The following HECTD4 variants were observed in gnomAD, a reference collection of about 807,000 sequenced individuals.
HECTD4 encodes the protein HECT domain E3 ubiquitin protein ligase 4.
A neutral mutation model predicts 471.5 loss-of-function variants in HECTD4; 114 were observed. The ratio of observed to expected loss-of-function variants is 0.24; its 90% CI spans 0.21 to 0.28. The LOEUF (loss-of-function observed/expected upper bound fraction) is 0.28. Ranked by LOEUF, HECTD4 falls within the 10% of genes least tolerant of loss-of-function variation. The pLI is 1.00. For synonymous variants in HECTD4, 2,012 were observed against 2,256.0 expected (o/e 0.89, Z 3.07); for missense variants, 3,866 against 5,651.5 (o/e 0.68, Z 10.13).
Position 112,264,225 on chromosome 12 carries a change from T to A in HECTD4, c.2620-13A>T. ...AGGAGGATGCAGCCTTTAATACAAA[T>A]AAGGGCATTTAAATGATCTAAATCC... On this transcript the variant is annotated splice_polypyrimidine_tract_variant and intron_variant, in intron 16 of 75. Transcript: ENST00000682272. The A allele has an allele frequency of 6.4e-7, 1 of 1,560,844 alleles. No individual in the cohort carries two copies. The highest frequency in any genetic ancestry group is 1.2e-5 in the South Asian group (1 of 81,028).
At position 112,163,674 on chromosome 12, in the gene HECTD4, A is replaced by G; in HGVS notation, c.12765T>C (p.Asn4255=). ...CCCGCACGGCCGTCACGCACTCCACATTCTGCAGCTCCCGCAGCCGCAGGC... is the reference window on the plus strand; with the variant it reads ...CCCGCACGGCCGTCACGCACTCCACGTTCTGCAGCTCCCGCAGCCGCAGGC... The part of the protein sequence containing the change: ...IRSLRLRELQ[N]VECVTAVRAG... The change falls in exon 74 of 76, where the codon AAT becomes AAC. Residue 4255 remains asparagine, a synonymous_variant. Coordinates refer to ENST00000682272, the MANE Select transcript of HECTD4 (RefSeq NM_001388303.1). This position sits in a 1 kb window ranked among gnomAD's most constrained non-coding sequence, Gnocchi z 8.2. 2.6e-6 allele frequency: 4 copies of G among 1,528,260 alleles called. No homozygotes were observed. The highest frequency in any genetic ancestry group is 1.2e-5 in the South Asian group (1 of 81,176). The allele number at this position is 1,528,260 out of a possible 1,614,324, so 94.7% of individuals were successfully genotyped here.
intron 1 of HECTD4, among the ~76,000 whole-genome samples, chr12:112,333,744 C>T (rs1409857094): frequency 6.6e-6 from 1 of 152,072 alleles, no homozygotes; most frequent in Non-Finnish European, 1.5e-5. Flanking sequence ...ATGTTTAAGT[C>T]CACAAGTTCA....
chr12:112,259,880 T>C (rs1042435807), intron 18 of HECTD4, among the ~76,000 whole-genome samples: 4 of 152,100 alleles, frequency 2.6e-5, no homozygotes, highest in South Asian at 2.1e-4. Context: ...GTGACATCCA[T>C]TACTGGTCTA....
At chr12:112,340,980 A>G (rs1189688041) in intron 1 of HECTD4, among the ~76,000 whole-genome samples, 1 of 152,196 alleles carries the variant, frequency 6.6e-6, no homozygotes, top group Admixed American at 6.5e-5. Context: ...AAAACACAAT[A>G]CCTGGCACAA....
At chr12:112,265,148 G>T in intron 16 of HECTD4, 27 bp downstream of exon 16, 1 of 1,568,738 alleles carries the variant, frequency 6.4e-7, no homozygotes. Context: ...ATATAATTTT[G>T]CTTTCATTAA....
Position 112,377,852 on chromosome 12 carries a change from A to G in HECTD4, c.177+4100T>C, listed in dbSNP as rs1177413994. Among the ~76,000 whole-genome samples, 3 of 152,212 alleles carry G rather than the reference A, an allele frequency of 2.0e-5. No homozygotes were observed. The East Asian group carries it at 5.8e-4, about 29-fold the overall frequency. On this transcript the variant is annotated intron_variant, in intron 1 of 75. Coordinates refer to ENST00000682272, the MANE Select transcript of HECTD4 (RefSeq NM_001388303.1). ...ATCACTGCACTCCAGCCTGGGTAACAAGAATAAAACTCGGTCTCAAAAAAG... is the reference window on the plus strand; with the variant it reads ...ATCACTGCACTCCAGCCTGGGTAACGAGAATAAAACTCGGTCTCAAAAAAG...
intron 1 of HECTD4, among the ~76,000 whole-genome samples, chr12:112,363,580 T>C (rs2036498086): frequency 6.6e-6 from 1 of 152,168 alleles, no homozygotes; most frequent in African/African-American, 2.4e-5. Flanking sequence ...AGAACGATGA[T>C]CAAAGCAACA....
intron 13 of HECTD4, among the ~76,000 whole-genome samples, chr12:112,267,794 A>T (rs894960870): frequency 6.6e-6 from 1 of 152,076 alleles, no homozygotes; most frequent in African/African-American, 2.4e-5. Context: ...TCATTAATTT[A>T]TTTGTGTGTG....
chr12:112,181,337 A>T (rs553611267), intron 62 of HECTD4, among the ~76,000 whole-genome samples: 82 of 152,290 alleles, frequency 5.4e-4, no homozygotes, highest in Non-Finnish European at 1.1e-3. Flanking sequence ...TTTTGACTTT[A>T]AAAAAACTAT....
intron 4 of HECTD4, among the ~76,000 whole-genome samples, chr12:112,312,340 C>G (rs1466774819): frequency 2.0e-5 from 3 of 152,110 alleles, no homozygotes; most frequent in Admixed American, 6.6e-5. Flanking sequence ...TCTTGGCAAG[C>G]CTGCAATTCC....
At chr12:112,377,419 A>T (rs1051891547) in intron 1 of HECTD4, among the ~76,000 whole-genome samples, 3 of 152,174 alleles carry the variant, frequency 2.0e-5, no homozygotes, top group Non-Finnish European at 4.4e-5. Flanking sequence ...CCACTAAATT[A>T]TAAGCTTTTT....
chr12:112,192,595 A>G lies in HECTD4; in HGVS notation c.9257T>C (p.Val3086Ala), dbSNP rs1345130328. 3.7e-6 allele frequency: 6 copies of G among 1,604,630 alleles called. No individual in the cohort carries two copies. In the Admixed American group the frequency reaches 6.8e-5, roughly 18 times the overall value. Residue 3086 changes from valine to alanine, a missense_variant, in exon 59 of 76, where the codon GTG (valine) becomes GCG (alanine). By Grantham distance (64) the Val-to-Ala change is moderately conservative. Around this residue, in one of 16 missense-constraint regions of HECTD4, gnomAD observed 364 missense variants for 413.2 expected, o/e 0.88. Transcript: ENST00000682272. The stretch of plus-strand genomic sequence containing the variant: ...GTGGACCCTGTCTGTGGAGAGGACC[A>G]CAGAGGGGTACTGGTCAGCGGTGGG... Reference protein sequence around the residue: ...PPPTADQYPSVVLSTDRVHIK... With the variant: ...PPPTADQYPSAVLSTDRVHIK...
At position 112,163,959 on chromosome 12, in the gene HECTD4, C is replaced by T; in HGVS notation, c.12701+150G>A. The T allele has an allele frequency of 1.1e-6, 1 of 924,560 alleles. No homozygotes were observed. Among genetic ancestry groups the T allele is most frequent in the Non-Finnish European group, 1.5e-6 (1 of 662,320 alleles). 57.3% of individuals were successfully genotyped at this position (924,560 alleles called of 1,614,324 possible). A position where few individuals can be genotyped will look rare whatever the true frequency, so the allele number is the denominator to read the frequency against. On this transcript the variant is annotated intron_variant, in intron 73 of 75. Coordinates refer to ENST00000682272, the MANE Select transcript of HECTD4 (RefSeq NM_001388303.1). The surrounding 1 kb of genome is among the most constrained non-coding windows in gnomAD (Gnocchi z 8.2). ...TGAGGACCCTCTTTCTTGGCACCCA[C>T]CATCCTGCCTCATCTCCCTCTCCTG...
intron 1 of HECTD4, among the ~76,000 whole-genome samples, chr12:112,355,672 G>A (rs1019856469): frequency 6.6e-5 from 10 of 151,902 alleles, no homozygotes; most frequent in African/African-American, 2.2e-4. Context: ...GCTGAGGCAG[G>A]AGAATCGCTT....
chr12:112,253,155 C>T (rs887901287), intron 22 of HECTD4, among the ~76,000 whole-genome samples: 10 of 149,666 alleles, frequency 6.7e-5, no homozygotes, highest in Non-Finnish European at 7.4e-5. Context: ...AATGGAGTTT[C>T]GTTCTGTCAC....
intron 44 of HECTD4, among the ~76,000 whole-genome samples, chr12:112,225,620 C>CAAAAAAAAAAAAAAAAAAAAAAA (rs781152688): frequency 1.8e-5 from 1 of 56,284 alleles, no homozygotes; most frequent in Non-Finnish European, 3.6e-5. Flanking sequence ...AATTGTAAGG[C>CAAAAAAAAAAAAAAAAAAAAAAA]AAAAAAAAAA....
At position 112,178,871 on chromosome 12, in the gene HECTD4, C is replaced by T. The variant is rs149956934; in HGVS notation, c.11363+60G>A. The T allele has an allele frequency of 1.7e-3, 2,612 of 1,536,042 alleles. 34 individuals are homozygous for T. The African/African-American group carries it at 0.026, about 15-fold the overall frequency. ...AGCTGCCGCCCCTCAGGCTCCTGCT[C>T]GGAGGCCTCCCCCACATCTGCCCAC... On this transcript the variant is annotated intron_variant, in intron 64 of 75. Transcript: ENST00000682272.
intron 2 of HECTD4, among the ~76,000 whole-genome samples, chr12:112,318,119 AC>A (rs1340779684): frequency 6.6e-6 from 1 of 151,772 alleles, no homozygotes; most frequent in Non-Finnish European, 1.5e-5. Flanking sequence ...TACTAAAAAT[AC>A]AAAAAAATTA....
chr12:112,188,139 A>T lies in HECTD4; in HGVS notation c.9473-2646T>A, dbSNP rs2031947436. ...CTGTTTCTACTAAAAATACAAAAAA[A>T]TTAGCTGGGCATGGTAGCGGGCGCC... On this transcript the variant is annotated intron_variant, in intron 60 of 75. Transcript: ENST00000682272. The surrounding 1 kb of genome is among the most constrained non-coding windows in gnomAD (Gnocchi z 4.2). 6.6e-6 allele frequency among the ~76,000 whole-genome samples: 1 copy of T among 152,016 alleles called. No individual in the cohort carries two copies. Among genetic ancestry groups the T allele is most frequent in the Admixed American group, 6.5e-5 (1 of 15,272 alleles).
Sources: allele counts gnomAD v4.1 joint callset (sites outside exome capture counted in the v4.1 genomes callset), GRCh38; gene constraint gnomAD v4.1.1; regional missense constraint gnomAD v4.1.1; non-coding constraint Gnocchi (gnomAD v3.1); transcripts MANE v1.5; gene names NCBI Gene and HGNC (gene_info 2026-07-23, HGNC 2026-07-21).